SF3B3: variants seen among roughly 807,000 people sequenced by gnomAD.
The protein encoded by SF3B3 is splicing factor 3b subunit 3.
Under a neutral mutation model 139.2 loss-of-function variants are expected in SF3B3, and 33 were observed. That is an observed-to-expected ratio of 0.24 (90% confidence interval 0.18 to 0.32). The LOEUF is 0.32. SF3B3 is among the 10% of genes least tolerant of loss of function. The pLI is 1.00. For synonymous variants in SF3B3, 596 were observed against 563.6 expected, an observed-to-expected ratio of 1.06 and a Z score of -0.81; for missense variants, 818 against 1,509.4, an observed-to-expected ratio of 0.54 and a Z score of 7.59.
chr16:70,559,980 C>A (rs1164973692), intron 15 of SF3B3, among the ~76,000 whole-genome samples: 2 of 151,916 alleles, frequency 1.3e-5, no homozygotes, highest in African/African-American at 2.4e-5. Context: ...GAAGTTAGTT[C>A]TTTTGTCCTT....
chr16:70,537,052 G>C (rs544146291), intron 6 of SF3B3, among the ~76,000 whole-genome samples: 2 of 151,910 alleles, frequency 1.3e-5, no homozygotes, highest in Non-Finnish European at 2.9e-5. Context: ...CTTGTGATCT[G>C]CCTGCCTCAG....
At chr16:70,530,547 G>A (rs1159757396) in intron 3 of SF3B3, among the ~76,000 whole-genome samples, 198 bp from the exon 4 acceptor site, 1 of 151,678 alleles carries the variant, frequency 6.6e-6, no homozygotes, top group Non-Finnish European at 1.5e-5. Context: ...TTGAACTCCT[G>A]ACCTCAGGTG....
At position 70,557,370 on chromosome 16, in the gene SF3B3, A is replaced by T. The variant is rs145625638; in HGVS notation, c.2010+341A>T. 1.1e-4 allele frequency among the ~76,000 whole-genome samples: 16 copies of T among 152,334 alleles called. No homozygotes were observed. The East Asian group carries it at 3.1e-3, about 29-fold the overall frequency. Reference sequence around the variant, plus strand: ...TACCTCTCAGTTCATAATTGGCTTCATTAGCAATAAAGGACCCCTAAATGT... The same window carrying T: ...TACCTCTCAGTTCATAATTGGCTTCTTTAGCAATAAAGGACCCCTAAATGT... On this transcript the variant is annotated intron_variant, in intron 15 of 25. Coordinates refer to ENST00000302516, the MANE Select transcript of SF3B3 (RefSeq NM_012426.5).
chr16:70,557,719 A>G (rs764128764), intron 15 of SF3B3, among the ~76,000 whole-genome samples: 31 of 151,144 alleles, frequency 2.1e-4, no homozygotes, highest in Non-Finnish European at 3.7e-4. Flanking sequence ...TTTTCGGTCT[A>G]TTTTTTTCTT....
rs754843315 is a variant in SF3B3, at chr16:70,555,075, A to G, written c.1579A>G (p.Ile527Val). 1 of 1,614,210 alleles carries G rather than the reference A, an allele frequency of 6.2e-7. No homozygotes were observed. The change falls in exon 13 of 26, where the codon ATA becomes GTA. Residue 527 changes from isoleucine (I) to valine (V), a missense_variant. Around this residue, in one of 14 missense-constraint regions of SF3B3, gnomAD observed 170 missense variants for 353.0 expected, o/e 0.48. Coordinates refer to ENST00000302516, the MANE Select transcript of SF3B3 (RefSeq NM_012426.5). Reference sequence around the variant, plus strand: ...GGTCTATCCAGATGGCATTCGGCACATACGAGCAGACAAGAGAGTCAATGA... The same window carrying G: ...GGTCTATCCAGATGGCATTCGGCACGTACGAGCAGACAAGAGAGTCAATGA... Reference protein sequence around the residue: ...VQVYPDGIRHIRADKRVNEWK... With the variant: ...VQVYPDGIRHVRADKRVNEWK...
intron 15 of SF3B3, among the ~76,000 whole-genome samples, chr16:70,558,769 T>G (rs1244070897): frequency 6.6e-6 from 1 of 152,048 alleles, no homozygotes; most frequent in Non-Finnish European, 1.5e-5. Context: ...CTAATTTTTC[T>G]TGTTTCTAGT....
rs1325229567 is a variant in SF3B3 at position 70,567,550 on chromosome 16, C to T, written c.2952+14C>T. On this transcript the variant is annotated intron_variant, in intron 21 of 25. Coordinates refer to ENST00000302516, the MANE Select transcript of SF3B3 (RefSeq NM_012426.5). ...TGTGAGAATAAGGTAAGTGTGCTGG[C>T]ATTGGTGCTGAGATCTAGCTCATGT... The T allele has an allele frequency of 7.4e-6, 12 of 1,610,748 alleles. No homozygotes were observed. The highest frequency in any genetic ancestry group is 1.0e-5 in the Non-Finnish European group (12 of 1,178,340).
At chr16:70,549,455 G>A (rs1413198290) in intron 11 of SF3B3, among the ~76,000 whole-genome samples, 1 of 152,190 alleles carries the variant, frequency 6.6e-6, no homozygotes, top group Non-Finnish European at 1.5e-5. Flanking sequence ...GGTTTTATGT[G>A]TAGTATCTAC....
At chr16:70,567,586 GGGGCATTGGTGGGGTGGT>G in intron 21 of SF3B3, 50 bp downstream of exon 21, 1 of 1,577,328 alleles carries the variant, frequency 6.3e-7, no homozygotes, top group Non-Finnish European at 8.6e-7. Flanking sequence ...GTCAAGGGTG[GGGGCATTGGTGGGGTGGT>G]GGGCATTGAG....
At position 70,524,021 on chromosome 16, in the gene SF3B3, C is replaced by T. The variant is rs2050020410; in HGVS notation, c.-71+93C>T. On this transcript the variant is annotated intron_variant, in intron 1 of 25. Coordinates refer to ENST00000302516, the MANE Select transcript of SF3B3 (RefSeq NM_012426.5). ...CCGAGACTTTGGCGGGGGTCACGGG[C>T]AGTCTAGGCCCGAGAGGCTGGGGAC... is the stretch of plus-strand genomic sequence containing the variant. The T allele has an allele frequency of 9.9e-6, 4 of 405,728 alleles. No homozygotes were observed. In the East Asian group the frequency reaches 1.1e-4, roughly 11 times the overall value. The allele number at this position is 405,728 out of a possible 1,614,324, so 25.1% of individuals were successfully genotyped here.
intron 11 of SF3B3, among the ~76,000 whole-genome samples, chr16:70,553,830 A>G (rs951637677): frequency 1.3e-5 from 2 of 152,222 alleles, no homozygotes; most frequent in African/African-American, 4.8e-5. Context: ...CTGTTTCTAA[A>G]TAGTGAAAAA....
chr16:70,569,029 T>A lies in SF3B3; in HGVS notation c.3166-14T>A. The A allele has an allele frequency of 1.3e-6, 2 of 1,592,896 alleles. No individual in the cohort carries two copies. The highest frequency in any genetic ancestry group is 1.7e-6 in the Non-Finnish European group (2 of 1,166,412). Reference sequence around the variant, plus strand: ...CCGGGCCCCAGCAGTGTGACTTGTGTCACTTCCTTGTAGGTGAGGCTCCCA... The same window carrying A: ...CCGGGCCCCAGCAGTGTGACTTGTGACACTTCCTTGTAGGTGAGGCTCCCA... On this transcript the variant is annotated splice_polypyrimidine_tract_variant and intron_variant, in intron 22 of 25. Transcript: ENST00000302516.
At chr16:70,561,510 C>A (rs1256731695) in intron 16 of SF3B3, 120 bp from the exon 17 acceptor site, 2 of 816,494 alleles carry the variant, frequency 2.4e-6, no homozygotes, top group East Asian at 2.4e-5. Flanking sequence ...TGTTATATTT[C>A]TAGAATATCT....
intron 21 of SF3B3, 38 bp downstream of exon 21, chr16:70,567,574 G>A (rs1041854488): frequency 2.2e-5 from 35 of 1,595,298 alleles, no homozygotes; most frequent in Non-Finnish European, 3.0e-5. Flanking sequence ...TCTAGCTCAT[G>A]TGTCAAGGGT....
rs1398483377 is a variant in SF3B3 at position 70,567,629 on chromosome 16, C to G, written c.2952+93C>G. ...TGGGCATTGAGTTTTAAAATCTTAT[C>G]TTTATTAGGACTTGTTGTGTTACCC... On this transcript the variant is annotated intron_variant, in intron 21 of 25. Coordinates refer to ENST00000302516, the MANE Select transcript of SF3B3 (RefSeq NM_012426.5). 8 of 1,410,868 alleles carry G rather than the reference C, an allele frequency of 5.7e-6. No individual in the cohort carries two copies. The African/African-American group carries it at 8.6e-5, about 15-fold the overall frequency. The allele number at this position is 1,410,868 out of a possible 1,614,324, so 87.4% of individuals were successfully genotyped here. A position where few individuals can be genotyped will look rare whatever the true frequency, so the allele number is the denominator to read the frequency against.
At chr16:70,524,274 G>A (rs1385534167) in intron 1 of SF3B3, among the ~76,000 whole-genome samples, 1 of 152,118 alleles carries the variant, frequency 6.6e-6, no homozygotes, top group African/African-American at 2.4e-5. Flanking sequence ...TAGAAAGATG[G>A]AGCGTGTTAA....
chr16:70,558,826 A>T (rs2050402066), intron 15 of SF3B3, among the ~76,000 whole-genome samples: 1 of 152,090 alleles, frequency 6.6e-6, no homozygotes, highest in African/African-American at 2.4e-5. Flanking sequence ...TGAACTCCTG[A>T]GCTCAAGCGA....
In SF3B3 at chr16:70,541,800, A is replaced by T. The variant is rs940703569; in HGVS notation, c.1199A>T (p.Glu400Val). ...RPLKNLVLVD[E>V]LDSLSPILFC... ...CTTAAAAACCTTGTGCTGGTTGATG[A>T]GTTGGACAGCCTCTCTCCCATTCTG... is the stretch of plus-strand genomic sequence containing the variant. The change falls in exon 9 of 26, where the codon GAG becomes GTG. Residue 400 changes from glutamate (E) to valine (V), a missense_variant. By Grantham distance (121) the Glu-to-Val change is moderately radical (BLOSUM62 -2). Coordinates refer to ENST00000302516, the MANE Select transcript of SF3B3 (RefSeq NM_012426.5). The T allele has an allele frequency of 6.8e-6, 11 of 1,614,128 alleles. No homozygotes were observed. Among genetic ancestry groups the T allele is most frequent in the Non-Finnish European group, 8.5e-6 (10 of 1,179,988 alleles).
intron 21 of SF3B3, 53 bp from the exon 22 acceptor site, chr16:70,568,230 G>A (rs1276288701): frequency 1.4e-6 from 2 of 1,412,478 alleles, no homozygotes; most frequent in Non-Finnish European, 2.0e-6. Flanking sequence ...CTTTCTTTGG[G>A]TTCTGAACCC....
Sources: allele counts gnomAD v4.1 joint callset (sites outside exome capture counted in the v4.1 genomes callset), GRCh38; gene constraint gnomAD v4.1.1; regional missense constraint gnomAD v4.1.1; transcripts MANE v1.5; gene names NCBI Gene and HGNC (gene_info 2026-07-23, HGNC 2026-07-21).